UNC5D: variants seen among roughly 807,000 people sequenced by gnomAD.
UNC5D encodes the protein netrin receptor UNC5D.
UNC5D carries 39 observed loss-of-function variants against 105.4 expected under a neutral mutation model. The ratio of observed to expected loss-of-function variants is 0.37; its 90% CI spans 0.29 to 0.48. The LOEUF (loss-of-function observed/expected upper bound fraction) is 0.48. Ranked by LOEUF, UNC5D falls within the 20% of genes least tolerant of loss-of-function variation. UNC5D has a pLI of 0.98. For synonymous variants in UNC5D, 452 were observed against 450.4 expected (o/e 1.00, Z -0.04); for missense variants, 991 against 1,202.4 (o/e 0.82, Z 2.60).
chr8:35,723,160 CA>C, intron 9 of UNC5D, among the ~76,000 whole-genome samples: 1 of 152,138 alleles, frequency 6.6e-6, no homozygotes, highest in East Asian at 1.9e-4. Context: ...TCGTCACCTT[CA>C]TTTCTGTTTA....
intron 16 of UNC5D, among the ~76,000 whole-genome samples, chr8:35,786,855 T>C (rs61341819): frequency 0.063 from 9,554 of 152,210 alleles, 802 homozygotes; most frequent in African/African-American, 0.19. Context: ...CAGGCCACAT[T>C]TGGCCCACCA....
At chr8:35,734,138 G>A (rs935910751) in intron 11 of UNC5D, among the ~76,000 whole-genome samples, 10 of 151,956 alleles carry the variant, frequency 6.6e-5, no homozygotes, top group African/African-American at 2.4e-4. Context: ...GATGCTGTAA[G>A]AACAGGTACT....
intron 4 of UNC5D, among the ~76,000 whole-genome samples, chr8:35,618,497 C>G: frequency 6.6e-6 from 1 of 152,106 alleles, no homozygotes; most frequent in East Asian, 1.9e-4. Context: ...GAGATGGGAG[C>G]TGACAAATAC....
intron 1 of UNC5D, among the ~76,000 whole-genome samples, chr8:35,317,266 G>A (rs988874095): frequency 1.3e-5 from 2 of 152,086 alleles, no homozygotes; most frequent in African/African-American, 4.8e-5. Context: ...TGGTACACCT[G>A]TTCCTGCTAA....
chr8:35,608,897 A>AT (rs534247620), intron 4 of UNC5D, among the ~76,000 whole-genome samples: 28 of 149,820 alleles, frequency 1.9e-4, no homozygotes, highest in Middle Eastern at 3.5e-3. Context: ...TATCTATTTA[A>AT]TTTTTTTTTT....
chr8:35,658,366 A>G (rs1162077346), intron 4 of UNC5D, among the ~76,000 whole-genome samples: 1 of 152,166 alleles, frequency 6.6e-6, no homozygotes, highest in African/African-American at 2.4e-5. Flanking sequence ...TGGGATTAAT[A>G]TTATGGTATT....
At chr8:35,259,487 T>C (rs1181574798) in intron 1 of UNC5D, among the ~76,000 whole-genome samples, 2 of 152,200 alleles carry the variant, frequency 1.3e-5, no homozygotes, top group Non-Finnish European at 2.9e-5. Context: ...TGTTTTATTT[T>C]CCAGCCGTGG....
intron 3 of UNC5D, among the ~76,000 whole-genome samples, chr8:35,572,766 T>C (rs1449775229): frequency 6.6e-6 from 1 of 152,072 alleles, no homozygotes; most frequent in East Asian, 1.9e-4. Flanking sequence ...GTTAAAATAA[T>C]TCAGTATGGC....
rs1469159461 is a variant in UNC5D at position 35,794,184 on chromosome 8, A to AT, written c.*3625dup. ...TATGCTTTTGTTTTTCCTTTTAGCC[A>AT]TTTTCTCTTCAATTTCTTAGTCCCT... On this transcript the variant is annotated 3_prime_UTR_variant, in exon 17 of 17. Transcript: ENST00000404895. 6.6e-6 allele frequency: 1 copy of AT among 152,058 alleles called. No homozygotes were observed. The highest frequency in any genetic ancestry group is 1.5e-5 in the Non-Finnish European group (1 of 67,986). 9.4% of individuals were successfully genotyped at this position (152,058 alleles called of 1,614,324 possible).
intron 1 of UNC5D, among the ~76,000 whole-genome samples, chr8:35,545,930 G>A (rs1815640457): frequency 6.6e-6 from 1 of 151,748 alleles, no homozygotes; most frequent in South Asian, 2.1e-4. Flanking sequence ...GTCTCTCTCT[G>A]TCACCCAGGC....
chr8:35,512,850 G>A (rs1485123391), intron 1 of UNC5D, among the ~76,000 whole-genome samples: 1 of 151,676 alleles, frequency 6.6e-6, no homozygotes, highest in East Asian at 1.9e-4. Context: ...AGTGTTTGTG[G>A]AGTATAGGGT....
intron 7 of UNC5D, among the ~76,000 whole-genome samples, chr8:35,696,282 A>ATTTT (rs755876112): frequency 2.4e-4 from 27 of 113,202 alleles, no homozygotes; most frequent in African/African-American, 4.7e-4. Context: ...TCAATATTTA[A>ATTTT]TTTTTTTTTT....
intron 4 of UNC5D, among the ~76,000 whole-genome samples, chr8:35,668,920 T>C (rs914579415): frequency 3.3e-5 from 5 of 152,112 alleles, no homozygotes; most frequent in Non-Finnish European, 5.9e-5. Flanking sequence ...CATGAATTTC[T>C]GATTTGTCTG....
chr8:35,421,050 C>T (rs1459622837), intron 1 of UNC5D, among the ~76,000 whole-genome samples: 1 of 152,166 alleles, frequency 6.6e-6, no homozygotes, highest in Admixed American at 6.5e-5. Flanking sequence ...TTGAATCCCT[C>T]TCCATTCCCT....
chr8:35,555,843 A>G (rs1816502031), intron 2 of UNC5D, among the ~76,000 whole-genome samples: 1 of 151,202 alleles, frequency 6.6e-6, no homozygotes, highest in East Asian at 1.9e-4. Flanking sequence ...ACAAAAAAAA[A>G]AAGAATAATT....
chr8:35,443,958 A>G (rs1807605390), intron 1 of UNC5D, among the ~76,000 whole-genome samples: 1 of 152,008 alleles, frequency 6.6e-6, no homozygotes. Context: ...GAAATTTATG[A>G]TATTTATTGT....
intron 1 of UNC5D, among the ~76,000 whole-genome samples, chr8:35,278,291 G>C (rs1396850044): frequency 3.9e-5 from 6 of 152,156 alleles, no homozygotes; most frequent in Non-Finnish European, 8.8e-5. Flanking sequence ...CTAATGGCCA[G>C]TAGTGAGCTG....
chr8:35,736,392 G>T (rs2131592101), intron 11 of UNC5D, among the ~76,000 whole-genome samples: 1 of 152,114 alleles, frequency 6.6e-6, no homozygotes, highest in South Asian at 2.1e-4. Context: ...AAAGAAAAAG[G>T]AGTCTTAAAA....
chr8:35,494,584 G>A (rs973077645), intron 1 of UNC5D, among the ~76,000 whole-genome samples: 1 of 152,140 alleles, frequency 6.6e-6, no homozygotes, highest in Admixed American at 6.6e-5. Context: ...TGACCATGAT[G>A]AAAAGCAGCA....
Sources: gnomAD v4.1 joint callset for allele counts (sites outside exome capture counted in the v4.1 genomes callset) on GRCh38, gnomAD v4.1.1 for gene constraint, MANE v1.5 for transcripts, NCBI Gene and HGNC (gene_info 2026-07-23, HGNC 2026-07-21) for gene names.